The following SLC7A2 variants were observed in gnomAD, a reference collection of about 807,000 sequenced individuals.
SLC7A2 encodes the protein solute carrier family 7 member 2.
In SLC7A2, 48 loss-of-function variants were observed where a neutral mutation model predicts 58.9. That is an observed-to-expected ratio of 0.82 (90% CI 0.65 to 1.04). The LOEUF (loss-of-function observed/expected upper bound fraction) is 1.04, where lower values mean the gene tolerates loss of function less well. Among genes scored for constraint, SLC7A2 ranks in the 50% least tolerant of loss-of-function variants. The pLI is 0.00. For synonymous variants in SLC7A2, 363 were observed against 314.5 expected (o/e 1.15, Z -1.63); for missense variants, 1,029 against 818.8 (o/e 1.26, Z -3.13).
At position 17,567,938 on chromosome 8, in the gene SLC7A2, G is replaced by C. The variant is rs959426; in HGVS notation, c.*2792G>C. 1.3e-5 allele frequency: 2 copies of C among 151,892 alleles called. No homozygotes were observed. Among genetic ancestry groups the C allele is most frequent in the Admixed American group, 6.6e-5 (1 of 15,248 alleles). 9.4% of individuals were successfully genotyped at this position (151,892 alleles called of 1,614,324 possible). On this transcript the variant is annotated 3_prime_UTR_variant, in exon 13 of 13. Coordinates refer to ENST00000494857, the MANE Select transcript of SLC7A2 (RefSeq NM_001370338.1). ...TTTTCCGACTGATCTGTCCTGGTAGGTGTTTATTAGCAAAAGTCAGTATCA... is the reference window on the plus strand; with the variant it reads ...TTTTCCGACTGATCTGTCCTGGTAGCTGTTTATTAGCAAAAGTCAGTATCA...
At position 17,565,050 on chromosome 8, in the gene SLC7A2, A is replaced by G. The variant is rs1313208164; in HGVS notation, c.1881A>G (p.Ala627=). 2.5e-6 allele frequency: 4 copies of G among 1,613,938 alleles called. No individual in the cohort carries two copies. The highest frequency in any genetic ancestry group is 3.4e-6 in the Non-Finnish European group (4 of 1,179,836). ...EEDAYPDNVH[A]AAEEKSAIQA... ...ATGCTTATCCAGACAACGTTCATGCAGCAGCAGAAGAAAAATCTGCCATTC... is the reference window on the plus strand; with the variant it reads ...ATGCTTATCCAGACAACGTTCATGCGGCAGCAGAAGAAAAATCTGCCATTC... Residue 627 remains alanine (A), a synonymous_variant, in exon 13 of 13, where the codon GCA becomes GCG. Transcript: ENST00000494857.
chr8:17,498,278 G>C (rs2720548), intron 1 of SLC7A2, among the ~76,000 whole-genome samples: 11,560 of 152,126 alleles, frequency 0.076, 586 homozygotes, highest in African/African-American at 0.14. Flanking sequence ...TCCCATCCAG[G>C]GCCGCCTGGG....
rs1225161409 is a variant in SLC7A2, at chr8:17,568,954, C to G, written c.*3808C>G. The stretch of plus-strand genomic sequence containing the variant: ...ACTCTAGCCTGGGCAACGGTGAGAC[C>G]CTGCCTCAAAAAAAATAAAAATAAA... On this transcript the variant is annotated 3_prime_UTR_variant, in exon 13 of 13. Coordinates refer to ENST00000494857, the MANE Select transcript of SLC7A2 (RefSeq NM_001370338.1). The G allele has an allele frequency of 1.3e-5, 2 of 151,672 alleles. No individual in the cohort carries two copies. The highest frequency in any genetic ancestry group is 3.9e-4 in the East Asian group (2 of 5,172). The allele number at this position is 151,672 out of a possible 1,614,324, so 9.4% of individuals were successfully genotyped here. A position where few individuals can be genotyped will look rare whatever the true frequency, so the allele number is the denominator to read the frequency against.
In SLC7A2 at chr8:17,548,696, T is replaced by C. The variant is rs772673034; in HGVS notation, c.551T>C (p.Val184Ala). 1.2e-6 allele frequency: 2 copies of C among 1,605,848 alleles called. No individual in the cohort carries two copies. The highest frequency in any genetic ancestry group is 2.3e-5 in the South Asian group (2 of 88,316). Reference sequence around the variant, plus strand: ...TCCATAGGTCTTTTGTCTTTTGGAGTAAAAGAGTCTGCTTGGGTGAATAAA... The same window carrying C: ...TCCATAGGTCTTTTGTCTTTTGGAGCAAAAGAGTCTGCTTGGGTGAATAAA... ...LLLAGLLSFG[V>A]KESAWVNKVF... The change falls in exon 5 of 13, where the codon GTA becomes GCA. Residue 184 changes from valine to alanine, a missense_variant. By Grantham distance (64) the Val-to-Ala change is moderately conservative. Transcript: ENST00000494857.
At chr8:17,555,108 T>C in intron 8 of SLC7A2, 4 of 1,611,596 alleles carry the variant, frequency 2.5e-6, no homozygotes, top group Non-Finnish European at 3.4e-6. Context: ...TTAGGTTTCT[T>C]GAGCATTAGA....
chr8:17,558,024 C>G (rs751294752), intron 8 of SLC7A2, among the ~76,000 whole-genome samples: 2 of 152,246 alleles, frequency 1.3e-5, no homozygotes, highest in Middle Eastern at 3.4e-3. Context: ...TGTTTTCACT[C>G]TTTGTCAGGC....
chr8:17,509,425 C>T (rs1800506511), intron 2 of SLC7A2, among the ~76,000 whole-genome samples: 1 of 152,090 alleles, frequency 6.6e-6, no homozygotes, highest in Admixed American at 6.6e-5. Context: ...TCTGCCTCAC[C>T]CTCCCAAGTA....
At chr8:17,519,252 T>G (rs976741315) in intron 2 of SLC7A2, among the ~76,000 whole-genome samples, 1 of 152,176 alleles carries the variant, frequency 6.6e-6, no homozygotes, top group Non-Finnish European at 1.5e-5. Context: ...TCAGTTAGGT[T>G]TATATATGTA....
At chr8:17,526,469 C>T (rs373309826) in intron 2 of SLC7A2, among the ~76,000 whole-genome samples, 106 of 151,760 alleles carry the variant, frequency 7.0e-4, no homozygotes, top group African/African-American at 1.9e-3. Context: ...ACCTGAAGCC[C>T]GAGTTGGTGA....
chr8:17,509,987 A>T (rs1800535863), intron 2 of SLC7A2, among the ~76,000 whole-genome samples: 1 of 152,100 alleles, frequency 6.6e-6, no homozygotes, highest in African/African-American at 2.4e-5. Flanking sequence ...TGGGAGGCCA[A>T]GGCAGGTGGA....
At chr8:17,522,305 A>G (rs10093691) in intron 2 of SLC7A2, among the ~76,000 whole-genome samples, 72,902 of 151,590 alleles carry the variant, frequency 0.48, 18,498 homozygotes, top group Middle Eastern at 0.59. Flanking sequence ...GGGGGAAACT[A>G]GCCCCATGAT....
chr8:17,565,871 C>A lies in SLC7A2; in HGVS notation c.*725C>A, dbSNP rs557379770. 1.3e-5 allele frequency: 2 copies of A among 152,342 alleles called. No individual in the cohort carries two copies. The allele number at this position is 152,342 out of a possible 1,614,324, so 9.4% of individuals were successfully genotyped here. ...AGTTGGCATCCTTTTGAACTTTTGT[C>A]TCCTTTGCAAACAGTGGTCCTAAAA... On this transcript the variant is annotated 3_prime_UTR_variant, in exon 13 of 13. Transcript: ENST00000494857.
chr8:17,520,782 A>G lies in SLC7A2; in HGVS notation c.-23+18480A>G. The G allele has an allele frequency of 4.7e-6, 4 of 845,358 alleles. 1 individual carries two copies. 52.4% of individuals were successfully genotyped at this position (845,358 alleles called of 1,614,324 possible). On this transcript the variant is annotated intron_variant, in intron 2 of 12. Transcript: ENST00000494857. Reference sequence around the variant, plus strand: ...AAAAGGGTATCTGTAAGTAGAGATGAGCTTAAGCAGAGGATATTTTTAAAT... The same window carrying G: ...AAAAGGGTATCTGTAAGTAGAGATGGGCTTAAGCAGAGGATATTTTTAAAT...
intron 11 of SLC7A2, among the ~76,000 whole-genome samples, chr8:17,563,298 T>G (rs986310518): frequency 6.6e-6 from 1 of 152,202 alleles, no homozygotes; most frequent in African/African-American, 2.4e-5. Context: ...GTATCCCACA[T>G]TTCAGAGGTC....
chr8:17,526,700 G>C (rs981111275), intron 2 of SLC7A2, among the ~76,000 whole-genome samples: 2 of 152,144 alleles, frequency 1.3e-5, no homozygotes, highest in African/African-American at 2.4e-5. Context: ...GGATCAGGGA[G>C]CTGAAGACCA....
chr8:17,510,453 T>C (rs1049262840), intron 2 of SLC7A2, among the ~76,000 whole-genome samples: 26 of 152,142 alleles, frequency 1.7e-4, no homozygotes, highest in Admixed American at 1.3e-3. Flanking sequence ...CCACCAACAG[T>C]GTAAAAGCGT....
intron 2 of SLC7A2, among the ~76,000 whole-genome samples, chr8:17,527,927 T>G (rs2150704389): frequency 6.6e-6 from 1 of 152,224 alleles, no homozygotes; most frequent in Middle Eastern, 3.4e-3. Context: ...GTTGACTAAT[T>G]AGGATTTTTT....
At chr8:17,498,055 T>A (rs562699520) in intron 1 of SLC7A2, among the ~76,000 whole-genome samples, 7 of 152,262 alleles carry the variant, frequency 4.6e-5, no homozygotes, top group African/African-American at 1.7e-4. Context: ...GCCACAATCA[T>A]ATGTGGCTTT....
intron 2 of SLC7A2, among the ~76,000 whole-genome samples, chr8:17,534,840 GA>G (rs1285052150): frequency 6.6e-6 from 1 of 152,026 alleles, no homozygotes; most frequent in African/African-American, 2.4e-5. Flanking sequence ...ACTTTGGAGT[GA>G]AATAGGCGCT....
Sources: allele counts gnomAD v4.1 joint callset (sites outside exome capture counted in the v4.1 genomes callset), GRCh38; gene constraint gnomAD v4.1.1; transcripts MANE v1.5; gene names NCBI Gene and HGNC (gene_info 2026-07-23, HGNC 2026-07-21).